The following SLC25A21 variants were observed in gnomAD, a reference collection of about 807,000 sequenced individuals.
The protein encoded by SLC25A21 is mitochondrial 2-oxodicarboxylate carrier.
Under a neutral mutation model 43.8 loss-of-function variants are expected in SLC25A21, and 47 were observed. The ratio of observed to expected loss-of-function variants is 1.07; its 90% CI spans 0.85 to 1.37. SLC25A21 has a LOEUF of 1.37. Ranked by LOEUF, SLC25A21 falls within the 40% of genes most tolerant of loss-of-function variation. The pLI is 0.00. For missense variants in SLC25A21, 352 were observed against 350.2 expected (o/e 1.00, Z -0.04); for synonymous variants, 131 against 121.3 (o/e 1.08, Z -0.52).
chr14:36,680,681 A>G lies in SLC25A21; in HGVS notation c.877T>C (p.Ser293Pro). The change falls in exon 10 of 10, where the codon TCA (serine) becomes CCA (proline). Residue 293 changes from serine (S) to proline (P), a missense_variant. Physicochemically the swap from Ser to Pro is moderately conservative, Grantham distance 74 (BLOSUM62 -1). Coordinates refer to ENST00000331299, the MANE Select transcript of SLC25A21 (RefSeq NM_030631.4). ...AATCACCAGTTCTCTTGAAGCCATG[A>G]ATAGGTGTATTCATAAACCAGCAGC... ...VMLLVYEYTY[S>P]WLQENW 6.2e-7 allele frequency: 1 copy of G among 1,613,346 alleles called. No individual in the cohort carries two copies. The highest frequency in any genetic ancestry group is 8.5e-7 in the Non-Finnish European group (1 of 1,179,650).
chr14:36,715,503 A>G (rs890409549), intron 6 of SLC25A21, among the ~76,000 whole-genome samples: 2 of 152,192 alleles, frequency 1.3e-5, no homozygotes, highest in African/African-American at 4.8e-5. Context: ...CAGGTCACCC[A>G]CTAGCTCAGT....
chr14:36,929,009 A>G (rs1457600590), intron 1 of SLC25A21, among the ~76,000 whole-genome samples: 1 of 152,218 alleles, frequency 6.6e-6, no homozygotes, highest in Non-Finnish European at 1.5e-5. Flanking sequence ...AAAAACTTCA[A>G]GTCACCAGAA....
At position 37,020,935 on chromosome 14, in the gene SLC25A21, G is replaced by A. The variant is rs182925071; in HGVS notation, c.71-145931C>T. ...ATGGTCTTGCATTAGGTTCCCAGCA[G>A]TGCAAATCTAAGGCAAATAATTAGA... is the stretch of plus-strand genomic sequence containing the variant. On this transcript the variant is annotated intron_variant, in intron 1 of 9. Transcript: ENST00000331299. Among the ~76,000 whole-genome samples, 673 of 152,110 alleles carry A rather than the reference G, an allele frequency of 4.4e-3. 2 individuals carry two copies. Among genetic ancestry groups the A allele is most frequent in the South Asian group, 0.032 (154 of 4,818 alleles).
chr14:37,108,347 C>T (rs1962953639), intron 1 of SLC25A21, among the ~76,000 whole-genome samples: 1 of 152,010 alleles, frequency 6.6e-6, no homozygotes, highest in Admixed American at 6.6e-5. Context: ...TGATAGAAAC[C>T]CAGGATAGAG....
Position 36,684,728 on chromosome 14 carries a change from G to T in SLC25A21, c.785+16C>A. 1 of 1,585,498 alleles carries T rather than the reference G, an allele frequency of 6.3e-7. No homozygotes were observed. On this transcript the variant is annotated intron_variant, in intron 8 of 9. Coordinates refer to ENST00000331299, the MANE Select transcript of SLC25A21 (RefSeq NM_030631.4). ...GAGCCTCATACATTTATTAAAATAA[G>T]AATGTGTTATGTTACCCTTCTTCCT...
intron 3 of SLC25A21, among the ~76,000 whole-genome samples, chr14:36,803,510 T>C (rs1887937006): frequency 6.6e-6 from 1 of 152,186 alleles, no homozygotes; most frequent in African/African-American, 2.4e-5. Flanking sequence ...TAGGAGAGGT[T>C]TTATGTAAAA....
intron 2 of SLC25A21, among the ~76,000 whole-genome samples, chr14:36,861,434 C>T (rs1191865424): frequency 6.6e-6 from 1 of 152,198 alleles, no homozygotes; most frequent in Non-Finnish European, 1.5e-5. Flanking sequence ...GCCTGAGGTT[C>T]TAAGGTTCAG....
chr14:36,911,692 T>C (rs2138612392), intron 1 of SLC25A21, among the ~76,000 whole-genome samples: 1 of 152,252 alleles, frequency 6.6e-6, no homozygotes, highest in East Asian at 1.9e-4. Flanking sequence ...AAGGGAGTCT[T>C]GGCCACTGAA....
intron 3 of SLC25A21, among the ~76,000 whole-genome samples, chr14:36,812,779 G>A (rs924366977): frequency 8.6e-5 from 13 of 152,040 alleles, no homozygotes; most frequent in Admixed American, 3.3e-4. Context: ...AGTTAAGAGC[G>A]TGGGCTTTAG....
At chr14:37,114,252 A>G (rs1221567169) in intron 1 of SLC25A21, among the ~76,000 whole-genome samples, 1 of 152,244 alleles carries the variant, frequency 6.6e-6, no homozygotes, top group Non-Finnish European at 1.5e-5. Flanking sequence ...ACCCTCAGAC[A>G]AAAGTAGGAT....
intron 1 of SLC25A21, among the ~76,000 whole-genome samples, chr14:37,053,150 C>T (rs373536585): frequency 1.6e-4 from 25 of 152,228 alleles, no homozygotes; most frequent in East Asian, 1.5e-3. Context: ...TGTTGTTAGG[C>T]TTTTCAATAG....
chr14:36,847,846 G>T (rs1398831176), intron 2 of SLC25A21, among the ~76,000 whole-genome samples: 1 of 152,214 alleles, frequency 6.6e-6, no homozygotes, highest in Non-Finnish European at 1.5e-5. Flanking sequence ...AGGCATGGGA[G>T]TAAGTGAACA....
intron 1 of SLC25A21, among the ~76,000 whole-genome samples, chr14:37,092,545 A>AT (rs1159749966): frequency 1.3e-5 from 2 of 152,148 alleles, no homozygotes; most frequent in Non-Finnish European, 2.9e-5. Context: ...TCCCTAAGCC[A>AT]CAGGGATTTC....
intron 1 of SLC25A21, among the ~76,000 whole-genome samples, chr14:37,066,449 A>T (rs932443317): frequency 6.6e-6 from 1 of 152,198 alleles, no homozygotes; most frequent in African/African-American, 2.4e-5. Flanking sequence ...CACTGAGTCA[A>T]CTGAAAAAAT....
chr14:36,720,994 T>C (rs1884352424), intron 6 of SLC25A21, among the ~76,000 whole-genome samples: 1 of 152,200 alleles, frequency 6.6e-6, no homozygotes, highest in South Asian at 2.1e-4. Flanking sequence ...TGAGCTGTGC[T>C]GGTGCCCACA....
intron 1 of SLC25A21, among the ~76,000 whole-genome samples, chr14:37,079,013 T>G (rs1014892230): frequency 6.6e-6 from 1 of 152,216 alleles, no homozygotes; most frequent in East Asian, 1.9e-4. Flanking sequence ...AGCATTTCTC[T>G]TTTCCTTAAA....
intron 1 of SLC25A21, among the ~76,000 whole-genome samples, chr14:37,058,768 G>A (rs1311625501): frequency 6.6e-6 from 1 of 152,194 alleles, no homozygotes; most frequent in Non-Finnish European, 1.5e-5. Context: ...AAGTTCTGCT[G>A]AGGCTGATAC....
At chr14:36,700,082 AC>A (rs1163040493) in intron 7 of SLC25A21, among the ~76,000 whole-genome samples, 1 of 152,070 alleles carries the variant, frequency 6.6e-6, no homozygotes, top group Admixed American at 6.6e-5. Flanking sequence ...ATCTTGGAAC[AC>A]CCCACCAAGT....
At chr14:37,020,008 T>C (rs1309817917) in intron 1 of SLC25A21, among the ~76,000 whole-genome samples, 1 of 151,990 alleles carries the variant, frequency 6.6e-6, no homozygotes, top group Non-Finnish European at 1.5e-5. Flanking sequence ...AAAATAAGTA[T>C]AATTTTTATT....
Sources: gnomAD v4.1 joint callset for allele counts (sites outside exome capture counted in the v4.1 genomes callset) on GRCh38, gnomAD v4.1.1 for gene constraint, MANE v1.5 for transcripts, NCBI Gene and HGNC (gene_info 2026-07-23, HGNC 2026-07-21) for gene names.